The following LRP1B variants were observed in gnomAD, a reference collection of about 807,000 sequenced individuals.
LRP1B encodes LDL receptor related protein 1B.
LRP1B carries 217 observed loss-of-function variants against 556.6 expected under a neutral mutation model. That is an observed-to-expected ratio of 0.39 (90% CI 0.35 to 0.44). The LOEUF (loss-of-function observed/expected upper bound fraction) is 0.44, where lower values mean the gene tolerates loss of function less well. Among genes scored for constraint, LRP1B ranks in the 20% least tolerant of loss-of-function variants. LRP1B has a pLI of 1.00. For synonymous variants in LRP1B, 2,047 were observed against 1,865.8 expected (o/e 1.10, Z -2.50); for missense variants, 5,053 against 5,620.8 (o/e 0.90, Z 3.23).
intron 11 of LRP1B, among the ~76,000 whole-genome samples, chr2:141,034,827 C>T (rs111656921): frequency 0.17 from 24,447 of 142,078 alleles, 2,226 homozygotes; most frequent in African/African-American, 0.22. Flanking sequence ...GAAGTAGAAA[C>T]ACCATTTGAC....
At chr2:141,891,342 G>A (rs1359409806) in intron 1 of LRP1B, among the ~76,000 whole-genome samples, 1 of 152,078 alleles carries the variant, frequency 6.6e-6, no homozygotes, top group Non-Finnish European at 1.5e-5. Flanking sequence ...TAAGCAAGGG[G>A]TGTATGTAAG....
chr2:141,648,711 T>C (rs1396163589), intron 2 of LRP1B, among the ~76,000 whole-genome samples: 1 of 152,150 alleles, frequency 6.6e-6, no homozygotes. Flanking sequence ...TATGAAGATA[T>C]TAGGAGTGAA....
intron 43 of LRP1B, among the ~76,000 whole-genome samples, chr2:140,583,638 T>C (rs1327777253): frequency 1.3e-5 from 2 of 152,156 alleles, no homozygotes; most frequent in Non-Finnish European, 2.9e-5. Context: ...AAATGTTAGC[T>C]TCTTTTAGTA....
intron 6 of LRP1B, among the ~76,000 whole-genome samples, chr2:141,228,580 T>TGA (rs980689753): frequency 1.5e-5 from 1 of 68,476 alleles, no homozygotes; most frequent in Non-Finnish European, 3.1e-5. Context: ...TCTGTGTGTA[T>TGA]GAGTGTGTGT....
intron 1 of LRP1B, among the ~76,000 whole-genome samples, chr2:141,947,813 T>G (rs958858234): frequency 1.3e-4 from 5 of 38,204 alleles, no homozygotes; most frequent in African/African-American, 4.3e-4. Context: ...TTTTTAAATA[T>G]CAGAAAAAAA....
At chr2:141,182,899 A>T (rs1681067491) in intron 7 of LRP1B, among the ~76,000 whole-genome samples, 2 of 152,012 alleles carry the variant, frequency 1.3e-5, no homozygotes, top group South Asian at 4.1e-4. Flanking sequence ...ACCTGTCAAA[A>T]TGTAAATAAG....
chr2:140,769,404 CA>C, intron 34 of LRP1B, 60 bp from the exon 35 acceptor site: 1 of 1,422,484 alleles, frequency 7.0e-7, no homozygotes, highest in Non-Finnish European at 9.5e-7. Context: ...ATTTAAAATA[CA>C]AATAATTTCA....
At chr2:141,772,034 T>A (rs536599458) in intron 2 of LRP1B, among the ~76,000 whole-genome samples, 2 of 152,160 alleles carry the variant, frequency 1.3e-5, no homozygotes, top group South Asian at 4.2e-4. Context: ...GGCGAGGTTG[T>A]CTCAAACTCC....
intron 75 of LRP1B, among the ~76,000 whole-genome samples, chr2:140,355,700 TAGC>T (rs1189697759): frequency 2.0e-5 from 3 of 151,938 alleles, no homozygotes; most frequent in Admixed American, 6.6e-5. Context: ...TGAATACAAA[TAGC>T]AGTTTTATTG....
rs114162753 is a variant in LRP1B, at chr2:140,996,828, G to A, written c.2504-2693C>T. The stretch of plus-strand genomic sequence containing the variant: ...AGACAAAGGGATATGTAGACAGAAC[G>A]AAGAGAGTCAAAGTTCCACCTACAC... On this transcript the variant is annotated intron_variant, in intron 15 of 90. Coordinates refer to ENST00000389484, the MANE Select transcript of LRP1B (RefSeq NM_018557.3). Among the ~76,000 whole-genome samples, 379 of 152,068 alleles carry A rather than the reference G, an allele frequency of 2.5e-3. 2 individuals are homozygous for A. The highest frequency in any genetic ancestry group is 8.9e-3 in the African/African-American group (371 of 41,526).
chr2:141,777,540 C>T (rs1695117832), intron 2 of LRP1B, among the ~76,000 whole-genome samples: 1 of 152,004 alleles, frequency 6.6e-6, no homozygotes. Context: ...CTCAGCCTCC[C>T]AAGTAGATGG....
At chr2:141,972,764 T>A (rs1701780240) in intron 1 of LRP1B, among the ~76,000 whole-genome samples, 1 of 151,690 alleles carries the variant, frequency 6.6e-6, no homozygotes, top group African/African-American at 2.4e-5. Context: ...ATCCTAGTGA[T>A]GCCCACTTTT....
chr2:141,002,599 T>C (rs1188871888), intron 15 of LRP1B, among the ~76,000 whole-genome samples: 1 of 152,054 alleles, frequency 6.6e-6, no homozygotes, highest in African/African-American at 2.4e-5. Context: ...AAATACTATG[T>C]AAATAGTTTC....
intron 3 of LRP1B, among the ~76,000 whole-genome samples, chr2:141,404,686 T>G (rs914461865): frequency 3.3e-5 from 5 of 152,198 alleles, no homozygotes; most frequent in Non-Finnish European, 5.9e-5. Context: ...TGACTCAGAA[T>G]TAAATACGTG....
At chr2:140,519,909 A>G (rs975839462) in intron 49 of LRP1B, among the ~76,000 whole-genome samples, 2 of 152,190 alleles carry the variant, frequency 1.3e-5, no homozygotes, top group African/African-American at 4.8e-5. Context: ...CAAAACCGCA[A>G]TGAGATACCA....
chr2:141,594,069 G>A lies in LRP1B; in HGVS notation c.206-113536C>T, dbSNP rs1456238837. On this transcript the variant is annotated intron_variant, in intron 2 of 90. Transcript: ENST00000389484. Reference sequence around the variant, plus strand: ...ATGCCCACCTTTGAGTGGTGTCTTTGCTTTGACCCTTTTTGCCTACTCACA... The same window carrying A: ...ATGCCCACCTTTGAGTGGTGTCTTTACTTTGACCCTTTTTGCCTACTCACA... Among the ~76,000 whole-genome samples, 7 of 151,888 alleles carry A rather than the reference G, an allele frequency of 4.6e-5. No homozygotes were observed. In the East Asian group the frequency reaches 1.4e-3, roughly 29 times the overall value.
intron 29 of LRP1B, among the ~76,000 whole-genome samples, chr2:140,849,638 C>G (rs965308694): frequency 6.6e-6 from 1 of 151,984 alleles, no homozygotes; most frequent in African/African-American, 2.4e-5. Flanking sequence ...CTGCCAGGTT[C>G]AAGTGATTTT....
chr2:142,021,514 T>G (rs12623699), intron 1 of LRP1B, among the ~76,000 whole-genome samples: 5,508 of 152,242 alleles, frequency 0.036, 229 homozygotes, highest in East Asian at 0.17. Context: ...TATTTGTTAT[T>G]TTGTGAATAT....
chr2:141,119,740 G>C (rs1574092822), intron 7 of LRP1B, among the ~76,000 whole-genome samples: 3 of 148,872 alleles, frequency 2.0e-5, no homozygotes, highest in South Asian at 2.1e-4. Context: ...GTGTGTGTCT[G>C]TGTGTGTGTG....
Sources: allele counts gnomAD v4.1 joint callset (sites outside exome capture counted in the v4.1 genomes callset), GRCh38; gene constraint gnomAD v4.1.1; transcripts MANE v1.5; gene names NCBI Gene and HGNC (gene_info 2026-07-23, HGNC 2026-07-21).